The following CHST9 variants were observed in gnomAD, a reference collection of about 807,000 sequenced individuals.
CHST9 encodes GalNAc-4-sulfotransferase 2.
In CHST9, 41 loss-of-function variants were observed where a neutral mutation model predicts 44.4. The ratio of observed to expected loss-of-function variants is 0.92; its 90% confidence interval spans 0.72 to 1.20. The LOEUF is 1.20. Among genes scored for constraint, CHST9 ranks in the 50% most tolerant of loss-of-function variants. The pLI is 0.00. For missense variants in CHST9, 504 were observed against 516.5 expected (o/e 0.98, Z 0.23); for synonymous variants, 171 against 178.4 (o/e 0.96, Z 0.33).
At chr18:27,019,710 A>AAAAG (rs960028668) in intron 4 of CHST9, among the ~76,000 whole-genome samples, 143 of 150,880 alleles carry the variant, frequency 9.5e-4, no homozygotes, top group Middle Eastern at 3.4e-3. Flanking sequence ...AAAAAAAAAA[A>AAAAG]AGAGAGAAAA....
intron 4 of CHST9, among the ~76,000 whole-genome samples, chr18:26,949,675 G>A (rs2056216877): frequency 6.6e-6 from 1 of 152,228 alleles, no homozygotes; most frequent in Non-Finnish European, 1.5e-5. Flanking sequence ...CCCCCAACAT[G>A]TCCACATCCT....
chr18:26,936,494 T>G (rs2145099263), intron 5 of CHST9: 2 of 152,254 alleles, frequency 1.3e-5, no homozygotes, highest in South Asian at 2.1e-4. Context: ...TGACAATAGC[T>G]TTAACCTATG....
chr18:27,144,826 A>C (rs1330313232), intron 1 of CHST9, among the ~76,000 whole-genome samples: 1 of 152,186 alleles, frequency 6.6e-6, no homozygotes, highest in Non-Finnish European at 1.5e-5. Flanking sequence ...AGAAATCAGA[A>C]CAAGAGATGA....
At chr18:26,983,801 G>T (rs1416850207) in intron 4 of CHST9, among the ~76,000 whole-genome samples, 1 of 152,176 alleles carries the variant, frequency 6.6e-6, no homozygotes, top group Non-Finnish European at 1.5e-5. Flanking sequence ...AGACAAGGAA[G>T]AAATCACTAA....
At chr18:27,040,365 A>G (rs2057432052) in intron 3 of CHST9, among the ~76,000 whole-genome samples, 1 of 152,156 alleles carries the variant, frequency 6.6e-6, no homozygotes, top group Non-Finnish European at 1.5e-5. Context: ...GCTACACTCA[A>G]TAATGTAGTA....
At chr18:27,081,503 A>G (rs2057960565) in intron 2 of CHST9, among the ~76,000 whole-genome samples, 1 of 152,100 alleles carries the variant, frequency 6.6e-6, no homozygotes, top group South Asian at 2.1e-4. Context: ...CCTACCTTAC[A>G]TTATTGTTCT....
At chr18:26,994,941 T>C (rs2056867474) in intron 4 of CHST9, among the ~76,000 whole-genome samples, 1 of 151,944 alleles carries the variant, frequency 6.6e-6, no homozygotes, top group Non-Finnish European at 1.5e-5. Context: ...TGACAGGACA[T>C]CAGCTCTAAT....
At chr18:27,072,266 T>C in intron 2 of CHST9, among the ~76,000 whole-genome samples, 1 of 152,208 alleles carries the variant, frequency 6.6e-6, no homozygotes, top group East Asian at 1.9e-4. Context: ...AGCTTTGTTG[T>C]TTGAAGCCAG....
At chr18:27,025,704 A>G (rs762924109) in intron 3 of CHST9, among the ~76,000 whole-genome samples, 9 of 152,130 alleles carry the variant, frequency 5.9e-5, no homozygotes, top group Non-Finnish European at 1.2e-4. Flanking sequence ...ACTGATCCCC[A>G]GGGGCTGGAC....
intron 2 of CHST9, among the ~76,000 whole-genome samples, chr18:27,129,256 T>A (rs1010347507): frequency 2.0e-5 from 3 of 152,164 alleles, no homozygotes; most frequent in African/African-American, 7.2e-5. Context: ...TTAAAAATGA[T>A]CCTTATTTTA....
At chr18:26,973,215 T>A (rs983567117) in intron 4 of CHST9, among the ~76,000 whole-genome samples, 4 of 152,170 alleles carry the variant, frequency 2.6e-5, no homozygotes, top group African/African-American at 9.7e-5. Context: ...TAATTCCTTT[T>A]CAATGGTCTA....
chr18:27,020,088 G>A (rs2057206225), intron 4 of CHST9, among the ~76,000 whole-genome samples: 1 of 152,184 alleles, frequency 6.6e-6, no homozygotes, highest in East Asian at 1.9e-4. Context: ...ACTGGCGGGG[G>A]TGGGTGTCTG....
intron 4 of CHST9, among the ~76,000 whole-genome samples, chr18:26,966,244 C>A (rs576252564): frequency 6.6e-6 from 1 of 152,208 alleles, no homozygotes; most frequent in Non-Finnish European, 1.5e-5. Flanking sequence ...TATATGACAG[C>A]TCTTTTAAAA....
At chr18:27,151,094 A>C (rs544997328) in intron 1 of CHST9, among the ~76,000 whole-genome samples, 1 of 152,162 alleles carries the variant, frequency 6.6e-6, no homozygotes, top group African/African-American at 2.4e-5. Context: ...AACAACCATA[A>C]ATAGTAAATA....
At chr18:26,988,868 A>T (rs898032051) in intron 4 of CHST9, among the ~76,000 whole-genome samples, 1 of 152,174 alleles carries the variant, frequency 6.6e-6, no homozygotes, top group Admixed American at 6.5e-5. Flanking sequence ...ATTAAATTAG[A>T]AATCAATAAT....
intron 4 of CHST9, among the ~76,000 whole-genome samples, chr18:26,978,815 T>A (rs1008399182): frequency 6.6e-5 from 10 of 152,186 alleles, no homozygotes; most frequent in Non-Finnish European, 8.8e-5. Context: ...CAAAGTGTTA[T>A]GCAAATTCAA....
At chr18:27,163,667 G>A (rs1057221248) in intron 1 of CHST9, among the ~76,000 whole-genome samples, 24 of 152,286 alleles carry the variant, frequency 1.6e-4, no homozygotes, top group Admixed American at 2.6e-4. Context: ...CTGGAAAAGC[G>A]CATTATTAGG....
intron 4 of CHST9, among the ~76,000 whole-genome samples, chr18:26,978,396 T>C (rs949450191): frequency 1.6e-4 from 25 of 152,270 alleles, no homozygotes; most frequent in Admixed American, 1.4e-3. Context: ...TCCTTTCATT[T>C]ATTAAGTTTA....
At chr18:27,060,233 TGTGGACTG>T (rs1164104310) in intron 2 of CHST9, among the ~76,000 whole-genome samples, 5 of 152,192 alleles carry the variant, frequency 3.3e-5, no homozygotes, top group African/African-American at 1.2e-4. Context: ...GAGAAGAGGC[TGTGGACTG>T]GTGCAACTGC....
Sources: allele counts gnomAD v4.1 joint callset (sites outside exome capture counted in the v4.1 genomes callset), GRCh38; gene constraint gnomAD v4.1.1; transcripts MANE v1.5; gene names NCBI Gene and HGNC (gene_info 2026-07-23, HGNC 2026-07-21).